The following TMEM132B variants were observed in gnomAD, a reference collection of about 807,000 sequenced individuals.
TMEM132B encodes the protein transmembrane protein 132B.
A neutral mutation model predicts 90.8 loss-of-function variants in TMEM132B; 18 were observed. The observed-to-expected ratio is 0.20, with a 90% CI of 0.14 to 0.29. The LOEUF is 0.29. TMEM132B is among the 10% of genes least tolerant of loss of function. TMEM132B has a pLI of 1.00. For synonymous variants in TMEM132B, 504 were observed against 523.3 expected, an observed-to-expected ratio of 0.96 and a Z score of 0.50; for missense variants, 1,096 against 1,326.8, an observed-to-expected ratio of 0.83 and a Z score of 2.70.
chr12:125,272,368 A>C (rs1208282047), intron 1 of TMEM132B, among the ~76,000 whole-genome samples: 1 of 152,186 alleles, frequency 6.6e-6, no homozygotes, highest in Non-Finnish European at 1.5e-5. Context: ...AGCAGAATAT[A>C]TTGATGAATA....
At chr12:125,362,233 T>G (rs1877981375) in intron 2 of TMEM132B, among the ~76,000 whole-genome samples, 1 of 152,174 alleles carries the variant, frequency 6.6e-6, no homozygotes, top group African/African-American at 2.4e-5. Flanking sequence ...CGCTTCCCTG[T>G]GCCTGGGTGC....
At chr12:125,543,609 AG>A (rs1440639918) in intron 4 of TMEM132B, among the ~76,000 whole-genome samples, 2 of 152,232 alleles carry the variant, frequency 1.3e-5, no homozygotes, top group African/African-American at 2.4e-5. Context: ...CAGTTCTCCC[AG>A]CACCATTTAT....
At chr12:125,635,317 G>C (rs563468241) in intron 5 of TMEM132B, among the ~76,000 whole-genome samples, 3 of 151,936 alleles carry the variant, frequency 2.0e-5, no homozygotes, top group South Asian at 2.1e-4. Context: ...AACAGGCCCA[G>C]TGTGTGATGT....
chr12:125,374,956 C>T (rs1174534276), intron 2 of TMEM132B, among the ~76,000 whole-genome samples: 1 of 152,120 alleles, frequency 6.6e-6, no homozygotes, highest in African/African-American at 2.4e-5. Flanking sequence ...TCAGATACAA[C>T]ATTTCCATCA....
At chr12:125,267,206 G>C (rs77773139) in intron 1 of TMEM132B, among the ~76,000 whole-genome samples, 1 of 152,102 alleles carries the variant, frequency 6.6e-6, no homozygotes, top group Non-Finnish European at 1.5e-5. Flanking sequence ...AGACCCAGGG[G>C]TTTCCATCTC....
At chr12:125,465,464 G>A (rs1302214006) in intron 3 of TMEM132B, among the ~76,000 whole-genome samples, 1 of 152,128 alleles carries the variant, frequency 6.6e-6, no homozygotes, top group Non-Finnish European at 1.5e-5. Context: ...TGTCTACCTG[G>A]TATCTAGAAA....
chr12:125,290,262 C>G (rs958961290), intron 1 of TMEM132B, among the ~76,000 whole-genome samples: 16 of 152,196 alleles, frequency 1.1e-4, no homozygotes, highest in African/African-American at 3.9e-4. Flanking sequence ...CAACTTTCTG[C>G]TCTTATTGAT....
chr12:125,639,009 C>G (rs1035162672), intron 5 of TMEM132B, among the ~76,000 whole-genome samples: 1 of 152,212 alleles, frequency 6.6e-6, no homozygotes, highest in Non-Finnish European at 1.5e-5. Flanking sequence ...TGTTCCTGCC[C>G]TCAGCTCTTC....
intron 5 of TMEM132B, among the ~76,000 whole-genome samples, chr12:125,639,754 G>A (rs111652713): frequency 0.014 from 2,086 of 152,290 alleles, 51 homozygotes; most frequent in African/African-American, 0.047. Context: ...TTAGATACAG[G>A]AAAATAGTGA....
intron 1 of TMEM132B, among the ~76,000 whole-genome samples, chr12:125,198,152 G>A (rs749573881): frequency 6.6e-6 from 1 of 152,160 alleles, no homozygotes; most frequent in Admixed American, 6.5e-5. Flanking sequence ...TGACACCCAG[G>A]CTTATGATAT....
intron 3 of TMEM132B, among the ~76,000 whole-genome samples, chr12:125,430,728 A>G (rs1310318075): frequency 6.6e-6 from 1 of 152,258 alleles, no homozygotes; most frequent in African/African-American, 2.4e-5. Context: ...CTGGGAAATC[A>G]GCTGGAAACA....
intron 1 of TMEM132B, among the ~76,000 whole-genome samples, chr12:125,325,476 T>C (rs1876534331): frequency 6.6e-6 from 1 of 152,190 alleles, no homozygotes; most frequent in South Asian, 2.1e-4. Context: ...TGTTTGTCAA[T>C]ATATTTATTT....
chr12:125,480,827 T>C (rs1882017999), intron 3 of TMEM132B, among the ~76,000 whole-genome samples: 2 of 152,138 alleles, frequency 1.3e-5, no homozygotes, highest in African/African-American at 4.8e-5. Flanking sequence ...TTTAGACCAA[T>C]ATCCCTGATG....
intron 4 of TMEM132B, among the ~76,000 whole-genome samples, chr12:125,555,010 C>T (rs990922145): frequency 6.6e-6 from 1 of 152,100 alleles, no homozygotes. Context: ...ATAATGGACG[C>T]ACGACAACCA....
At chr12:125,275,194 C>T (rs1874956725) in intron 1 of TMEM132B, among the ~76,000 whole-genome samples, 1 of 152,198 alleles carries the variant, frequency 6.6e-6, no homozygotes. Context: ...CCCCAGCTCA[C>T]AGCTCACTCC....
intron 1 of TMEM132B, among the ~76,000 whole-genome samples, chr12:125,293,142 G>A (rs1283715433): frequency 6.6e-6 from 1 of 152,164 alleles, no homozygotes; most frequent in Non-Finnish European, 1.5e-5. Context: ...TGATGGCCAG[G>A]GATGTGGTAC....
At chr12:125,321,442 A>T (rs752658638) in intron 1 of TMEM132B, among the ~76,000 whole-genome samples, 5 of 152,106 alleles carry the variant, frequency 3.3e-5, no homozygotes, top group Middle Eastern at 3.4e-3. Flanking sequence ...GCTGATGGGA[A>T]TGTAAAATGG....
intron 3 of TMEM132B, among the ~76,000 whole-genome samples, chr12:125,442,404 A>C (rs1880901187): frequency 1.3e-5 from 2 of 152,204 alleles, no homozygotes; most frequent in South Asian, 4.1e-4. Context: ...CAGTTATTTA[A>C]AATTACCATT....
At position 125,652,587 on chromosome 12, in the gene TMEM132B, C is replaced by T. The variant is rs755168399; in HGVS notation, c.2061C>T (p.Ile687=). The T allele has an allele frequency of 2.0e-5, 32 of 1,613,604 alleles. No homozygotes were observed. The highest frequency in any genetic ancestry group is 2.4e-5 in the Non-Finnish European group (28 of 1,179,772). ...CACACCGAGCAGACAAAAGGGCCAT[C>T]GTCTCCACAGCTGCTGCCCTGGATG... The part of the protein sequence containing the change: ...LQPHRADKRA[I]VSTAAALDVL... The change falls in exon 8 of 9, where the codon ATC becomes ATT. Residue 687 remains isoleucine, a synonymous_variant. Coordinates refer to ENST00000682704, the MANE Select transcript of TMEM132B (RefSeq NM_001366854.1).
Sources: allele counts gnomAD v4.1 joint callset (sites outside exome capture counted in the v4.1 genomes callset), GRCh38; gene constraint gnomAD v4.1.1; transcripts MANE v1.5; gene names NCBI Gene and HGNC (gene_info 2026-07-23, HGNC 2026-07-21).